The following FGF12 variants were observed in gnomAD, a reference collection of about 807,000 sequenced individuals.
FGF12 encodes fibroblast growth factor 12.
FGF12 carries 14 observed loss-of-function variants against 23.6 expected under a neutral mutation model. The ratio of observed to expected loss-of-function variants is 0.59; its 90% CI spans 0.39 to 0.93. FGF12 has a LOEUF of 0.93. Ranked by LOEUF, FGF12 falls within the 40% of genes least tolerant of loss-of-function variation. The pLI is 0.00. For missense variants in FGF12, 175 were observed against 217.8 expected (o/e 0.80, Z 1.24); for synonymous variants, 62 against 77.3 (o/e 0.80, Z 1.04).
intron 4 of FGF12, among the ~76,000 whole-genome samples, chr3:192,281,925 C>A (rs977913176): frequency 6.6e-6 from 1 of 152,108 alleles, no homozygotes; most frequent in Non-Finnish European, 1.5e-5. Flanking sequence ...AGATTTCCTG[C>A]AAAACTGTTT....
intron 2 of FGF12, among the ~76,000 whole-genome samples, chr3:192,605,412 C>T (rs1218549303): frequency 6.6e-6 from 1 of 151,190 alleles, no homozygotes; most frequent in Non-Finnish European, 1.5e-5. Flanking sequence ...GAAGAAAACC[C>T]AGGAAACACT....
intron 2 of FGF12, among the ~76,000 whole-genome samples, chr3:192,559,797 T>G (rs1711936586): frequency 6.6e-6 from 1 of 151,206 alleles, no homozygotes. Flanking sequence ...CCACTCAATT[T>G]TACTGGGAAC....
At chr3:192,491,499 T>C (rs1407679175) in intron 2 of FGF12, among the ~76,000 whole-genome samples, 2 of 152,118 alleles carry the variant, frequency 1.3e-5, no homozygotes, top group Non-Finnish European at 1.5e-5. Flanking sequence ...GGATGAAAAA[T>C]GTGATGAACT....
rs549592239 is a variant in FGF12, at chr3:192,521,964, C to T, written c.14-161426G>A. Among the ~76,000 whole-genome samples the T allele has an allele frequency of 1.2e-3, 183 of 151,978 alleles. 1 individual carries two copies. The highest frequency in any genetic ancestry group is 3.8e-3 in the Admixed American group (58 of 15,256). On this transcript the variant is annotated intron_variant, in intron 2 of 5. Coordinates refer to ENST00000445105, the MANE Select transcript of FGF12 (RefSeq NM_004113.6). Reference sequence around the variant, plus strand: ...AATGGGGACTTTTACTTTGGGAGGCCGAGGCGGGCGGATCACGAGGTCAGG... The same window carrying T: ...AATGGGGACTTTTACTTTGGGAGGCTGAGGCGGGCGGATCACGAGGTCAGG...
intron 4 of FGF12, among the ~76,000 whole-genome samples, chr3:192,321,250 C>T (rs971384231): frequency 2.0e-5 from 3 of 151,962 alleles, no homozygotes; most frequent in Non-Finnish European, 4.4e-5. Context: ...CATGATTGAA[C>T]CCTGAAAGAG....
At chr3:192,706,413 G>A (rs566922481) in intron 2 of FGF12, among the ~76,000 whole-genome samples, 117 of 152,134 alleles carry the variant, frequency 7.7e-4, no homozygotes, top group African/African-American at 2.7e-3. Context: ...CTTTGCCAAG[G>A]TCACGTTAAG....
chr3:192,445,152 C>A (rs948441944), intron 2 of FGF12, among the ~76,000 whole-genome samples: 25 of 152,174 alleles, frequency 1.6e-4, no homozygotes, highest in African/African-American at 5.5e-4. Flanking sequence ...AACAAGTTAC[C>A]TTTTCATATT....
intron 4 of FGF12, among the ~76,000 whole-genome samples, chr3:192,242,592 C>A (rs1474349608): frequency 6.6e-6 from 1 of 151,812 alleles, no homozygotes; most frequent in Non-Finnish European, 1.5e-5. Flanking sequence ...ATAAACTCTA[C>A]AAATTAATAT....
chr3:192,507,359 A>T (rs769989756), intron 2 of FGF12, among the ~76,000 whole-genome samples: 28 of 151,240 alleles, frequency 1.9e-4, no homozygotes, highest in Admixed American at 7.9e-4. Flanking sequence ...ACACACACAC[A>T]CACACACACA....
intron 2 of FGF12, among the ~76,000 whole-genome samples, chr3:192,634,985 G>GA (rs1338403984): frequency 6.6e-6 from 1 of 152,076 alleles, no homozygotes; most frequent in African/African-American, 2.4e-5. Context: ...TCAGCCTCCT[G>GA]AGTAGCTGGG....
chr3:192,612,190 G>A (rs1164022627), intron 2 of FGF12, among the ~76,000 whole-genome samples: 2 of 152,026 alleles, frequency 1.3e-5, no homozygotes, highest in Non-Finnish European at 1.5e-5. Flanking sequence ...AAGGTTTATA[G>A]TGACTGGATG....
chr3:192,195,102 G>A (rs1205507486), intron 4 of FGF12, among the ~76,000 whole-genome samples: 4 of 152,194 alleles, frequency 2.6e-5, no homozygotes, highest in African/African-American at 7.2e-5. Flanking sequence ...GTAGCCCGGA[G>A]GGCCCACCAA....
intron 2 of FGF12, among the ~76,000 whole-genome samples, chr3:192,522,087 A>G (rs1019762405): frequency 6.6e-6 from 1 of 151,746 alleles, no homozygotes; most frequent in Non-Finnish European, 1.5e-5. Flanking sequence ...AGTCCCAGCT[A>G]CTCGGGAGGC....
At chr3:192,565,600 A>G (rs1421381316) in intron 2 of FGF12, among the ~76,000 whole-genome samples, 1 of 152,242 alleles carries the variant, frequency 6.6e-6, no homozygotes, top group Non-Finnish European at 1.5e-5. Flanking sequence ...CCTAGGAGCC[A>G]TAGGCTATAC....
At chr3:192,233,024 G>T (rs998882847) in intron 4 of FGF12, among the ~76,000 whole-genome samples, 1 of 152,168 alleles carries the variant, frequency 6.6e-6, no homozygotes, top group Non-Finnish European at 1.5e-5. Flanking sequence ...ATTACTATGT[G>T]TATCTTTTTG....
chr3:192,511,222 T>TACAC (rs5855433), intron 2 of FGF12, among the ~76,000 whole-genome samples: 9,695 of 149,606 alleles, frequency 0.065, 392 homozygotes, highest in Admixed American at 0.16. Context: ...CAATTGTGTG[T>TACAC]ACACACACAC....
At chr3:192,518,512 C>T (rs1463625779) in intron 2 of FGF12, among the ~76,000 whole-genome samples, 2 of 152,126 alleles carry the variant, frequency 1.3e-5, no homozygotes, top group Non-Finnish European at 2.9e-5. Context: ...TGCAATTAAT[C>T]AGTATATTTA....
At chr3:192,547,460 C>T (rs1725523329) in intron 2 of FGF12, among the ~76,000 whole-genome samples, 1 of 152,166 alleles carries the variant, frequency 6.6e-6, no homozygotes, top group Non-Finnish European at 1.5e-5. Flanking sequence ...GTCTCTCTTT[C>T]ATCACCTCAA....
intron 2 of FGF12, among the ~76,000 whole-genome samples, chr3:192,675,943 A>G (rs1484992651): frequency 1.3e-5 from 2 of 152,178 alleles, no homozygotes; most frequent in Non-Finnish European, 2.9e-5. Context: ...TCTTAAACCC[A>G]ATACACCACA....
Sources: allele counts gnomAD v4.1 joint callset (sites outside exome capture counted in the v4.1 genomes callset), GRCh38; gene constraint gnomAD v4.1.1; transcripts MANE v1.5; gene names NCBI Gene and HGNC (gene_info 2026-07-23, HGNC 2026-07-21).